TNXB: variants seen among roughly 807,000 people sequenced by gnomAD.
TNXB encodes tenascin-X.
TNXB carries 183 observed loss-of-function variants against 340.5 expected under a neutral mutation model. The observed-to-expected ratio is 0.54, with a 90% CI of 0.48 to 0.61. The LOEUF is 0.61. Ranked by LOEUF, TNXB falls within the 20% of genes least tolerant of loss-of-function variation. The pLI is 0.00. For missense variants in TNXB, 4,613 were observed against 5,446.4 expected (o/e 0.85, Z 4.82); for synonymous variants, 2,121 against 2,314.5 (o/e 0.92, Z 2.40).
In TNXB at chr6:32,079,300, G is replaced by A; in HGVS notation, c.4108C>T (p.Pro1370Ser). ...TELGTEAPES[P>S]EEPLLGELTV... ...AGCTCCCCCAGGAGCGGCTCCTCGG[G>A]GGACTCCGGGGCCTCCGTGCCCAGT... is the stretch of plus-strand genomic sequence containing the variant. Residue 1370 changes from proline to serine, a missense_variant, in exon 11 of 44, where the codon CCC (proline) becomes TCC (serine). By Grantham distance (74) the Pro-to-Ser change is moderately conservative. Coordinates refer to ENST00000644971, the MANE Select transcript of TNXB (RefSeq NM_001365276.2). This position sits in a 1 kb window ranked among gnomAD's most constrained non-coding sequence, Gnocchi z 7.1. 1 of 1,612,888 alleles carries A rather than the reference G, an allele frequency of 6.2e-7. No individual in the cohort carries two copies. The highest frequency in any genetic ancestry group is 8.5e-7 in the Non-Finnish European group (1 of 1,179,800).
At position 32,043,995 on chromosome 6, in the gene TNXB, C is replaced by G. The variant is rs758046999; in HGVS notation, c.11386+12G>C. On this transcript the variant is annotated intron_variant, in intron 34 of 43. Transcript: ENST00000644971. ...GAAATGCGAGGCGATGAGCACATGG[C>G]AAAGGCACCACCTCCGTCCGCCAGC... The G allele has an allele frequency of 6.2e-7, 1 of 1,601,922 alleles. No homozygotes were observed. Among genetic ancestry groups the G allele is most frequent in the Admixed American group, 1.7e-5 (1 of 59,238 alleles).
chr6:32,049,576 G>A lies in TNXB; in HGVS notation c.9451C>T (p.Pro3151Ser). Residue 3151 changes from proline to serine, a missense_variant, in exon 28 of 44, where the codon CCC becomes TCC. Transcript: ENST00000644971. The surrounding 1 kb of genome is among the most constrained non-coding windows in gnomAD (Gnocchi z 4.5). Reference sequence around the variant, plus strand: ...TCAGTGCTGGGTTCTGTGGGGCTGGGGGTCTCTTCCTCTGCAGTGGAGAAG... The same window carrying A: ...TCAGTGCTGGGTTCTGTGGGGCTGGAGGTCTCTTCCTCTGCAGTGGAGAAG... The part of the protein sequence containing the change: ...SAIGVTEEET[P>S]SPTEPSTEAP... 2 of 1,611,566 alleles carry A rather than the reference G, an allele frequency of 1.2e-6. No homozygotes were observed. Among genetic ancestry groups the A allele is most frequent in the Non-Finnish European group, 1.7e-6 (2 of 1,179,158 alleles).
chr6:32,085,615 T>C lies in TNXB; in HGVS notation c.3148+135A>G, dbSNP rs1779720084. 6 of 1,030,804 alleles carry C rather than the reference T, an allele frequency of 5.8e-6. No individual in the cohort carries two copies. The highest frequency in any genetic ancestry group is 7.8e-6 in the Non-Finnish European group (6 of 765,920). The allele number at this position is 1,030,804 out of a possible 1,614,324, so 63.9% of individuals were successfully genotyped here. ...ACCTGCAATTCCTTTTCTCTCCTTT[T>C]CTCCTCTATCCAGCCCCAAACATCA... On this transcript the variant is annotated intron_variant, in intron 7 of 43. Transcript: ENST00000644971. The surrounding 1 kb of genome is among the most constrained non-coding windows in gnomAD (Gnocchi z 6.4).
rs1317093555 is a variant in TNXB, at chr6:32,067,492, TCTC to T, written c.6544+166_6544+168del. On this transcript the variant is annotated intron_variant, in intron 18 of 43. Coordinates refer to ENST00000644971, the MANE Select transcript of TNXB (RefSeq NM_001365276.2). The surrounding 1 kb of genome is among the most constrained non-coding windows in gnomAD (Gnocchi z 4.2). ...GCCTTTCCCATATGGCTCCGACACT[TCTC>T]CTGGATTTGCTCTCTCTGTCCCCAG... Among the ~76,000 whole-genome samples the T allele has an allele frequency of 6.6e-6, 1 of 152,102 alleles. No individual in the cohort carries two copies. The highest frequency in any genetic ancestry group is 1.9e-4 in the East Asian group (1 of 5,192).
chr6:32,094,123 A>G (rs1195226769), intron 4 of TNXB, among the ~76,000 whole-genome samples: 3 of 150,730 alleles, frequency 2.0e-5, no homozygotes, highest in East Asian at 3.9e-4. Context: ...AAAAAAAAAA[A>G]AAGAGCAAGT....
rs58601681 is a variant in TNXB, at chr6:32,101,588, CTTTTTTTTTT to C, written c.-8-3392_-8-3383del. Among the ~76,000 whole-genome samples the C allele has an allele frequency of 2.5e-3, 318 of 126,182 alleles. 2 individuals are homozygous for C. Among genetic ancestry groups the C allele is most frequent in the Non-Finnish European group, 1.2e-3 (72 of 60,226 alleles). 82.8% of individuals were successfully genotyped at this position (126,182 alleles called of 152,430 possible). A position where few individuals can be genotyped will look rare whatever the true frequency, so the allele number is the denominator to read the frequency against. ...ACAGGCGTGAGCCACCGCACCCAGCCTTTTTTTTTTTTTTTTTTTTAGTAGAGACAGGGTT... is the reference window on the plus strand; with the variant it reads ...ACAGGCGTGAGCCACCGCACCCAGCCTTTTTTTTTTAGTAGAGACAGGGTT... On this transcript the variant is annotated intron_variant, in intron 1 of 43. Transcript: ENST00000644971.
At position 32,081,553 on chromosome 6, in the gene TNXB, C is replaced by A; in HGVS notation, c.3857G>T (p.Gly1286Val). The A allele has an allele frequency of 6.2e-7, 1 of 1,604,376 alleles. No individual in the cohort carries two copies. The highest frequency in any genetic ancestry group is 1.3e-5 in the African/African-American group (1 of 74,932). ...SLRLSWTVAQGPFDSFMVQYK... is the reference protein window; with the variant it reads ...SLRLSWTVAQVPFDSFMVQYK... ...CTGGACCATGAATGAGTCGAAGGGG[C>A]CCTGGGCCACTGTCCATGAGAGACG... The change falls in exon 10 of 44, where the codon GGC becomes GTC. Residue 1286 changes from glycine to valine, a missense_variant. By Grantham distance (109) the Gly-to-Val change is moderately radical. Coordinates refer to ENST00000644971, the MANE Select transcript of TNXB (RefSeq NM_001365276.2). The surrounding 1 kb of genome is among the most constrained non-coding windows in gnomAD (Gnocchi z 5.1).
chr6:32,099,468 G>A (rs934064018), intron 1 of TNXB, among the ~76,000 whole-genome samples: 5 of 152,094 alleles, frequency 3.3e-5, no homozygotes, highest in Non-Finnish European at 5.9e-5. Context: ...CTGACCACAA[G>A]TGATGTGCCC....
rs1207680458 is a variant in TNXB, at chr6:32,046,133, CCACACAAG to C, written c.10606+34_10606+41del. ...CTTCAGCCCAAATGCACAAGGAAACCCACACAAGCTGGCTTGCTATAGCCAGGCACAGC... is the reference window on the plus strand; with the variant it reads ...CTTCAGCCCAAATGCACAAGGAAACCCTGGCTTGCTATAGCCAGGCACAGC... On this transcript the variant is annotated intron_variant, in intron 31 of 43. Coordinates refer to ENST00000644971, the MANE Select transcript of TNXB (RefSeq NM_001365276.2). This position sits in a 1 kb window ranked among gnomAD's most constrained non-coding sequence, Gnocchi z 6.9. The C allele has an allele frequency of 9.6e-6, 15 of 1,556,988 alleles. No individual in the cohort carries two copies. Among genetic ancestry groups the C allele is most frequent in the Non-Finnish European group, 8.7e-7 (1 of 1,146,958 alleles).
At chr6:32,077,568 C>T (rs968703894) in intron 11 of TNXB, among the ~76,000 whole-genome samples, 1 of 152,210 alleles carries the variant, frequency 6.6e-6, no homozygotes, top group African/African-American at 2.4e-5. Flanking sequence ...CCCGAGGGTC[C>T]CAGAGGCACT....
Position 32,049,338 on chromosome 6 carries a change from T to C in TNXB, c.9689A>G (p.Tyr3230Cys), listed in dbSNP as rs1777106744. The C allele has an allele frequency of 5.0e-6, 8 of 1,612,496 alleles. No individual in the cohort carries two copies. The highest frequency in any genetic ancestry group is 4.0e-5 in the African/African-American group (3 of 74,996). Residue 3230 changes from tyrosine (Y) to cysteine (C), a missense_variant, in exon 28 of 44, where the codon TAC (tyrosine) becomes TGC (cysteine). Tyr to Cys is a radical substitution (Grantham distance 194). This residue lies in a region of TNXB where 4,327 missense variants were observed against 4,859.4 expected (regional missense o/e 0.89). Coordinates refer to ENST00000644971, the MANE Select transcript of TNXB (RefSeq NM_001365276.2). The surrounding 1 kb of genome is among the most constrained non-coding windows in gnomAD (Gnocchi z 4.5). ...TVGGLEPGRK[Y>C]KMHLYGLHEG... ...GTGGAGGCCGTACAGATGCATCTTG[T>C]ATTTGCGCCCGGGCTCCAGGCCCCC...
chr6:32,097,991 GC>G lies in TNXB; in HGVS notation c.207del (p.Lys69AsnfsTer35). On this transcript the variant is annotated frameshift_variant, in exon 2 of 44. Coordinates refer to ENST00000644971, the MANE Select transcript of TNXB (RefSeq NM_001365276.2). LOFTEE classifies it high-confidence loss of function. This position sits in a 1 kb window ranked among gnomAD's most constrained non-coding sequence, Gnocchi z 5.9. ...LYEHTVEGGE[K>X]QVVFTHRINL... ...TTAATGCGGTGGGTGAATACCACCT[GC>G]TTCTCCCCTCCTTCCACTGTGTGCT... The G allele has an allele frequency of 1.2e-6, 2 of 1,607,282 alleles. No homozygotes were observed. Among genetic ancestry groups the G allele is most frequent in the Non-Finnish European group, 1.7e-6 (2 of 1,178,014 alleles).
At position 32,105,639 on chromosome 6, in the gene TNXB, C is replaced by T. The variant is rs538322754; in HGVS notation, c.-9+3542G>A. Among the ~76,000 whole-genome samples, 17 of 152,312 alleles carry T rather than the reference C, an allele frequency of 1.1e-4. No homozygotes were observed. In the South Asian group the frequency reaches 1.9e-3, roughly 17 times the overall value. On this transcript the variant is annotated intron_variant, in intron 1 of 43. Coordinates refer to ENST00000644971, the MANE Select transcript of TNXB (RefSeq NM_001365276.2). ...AGGACCAAGGTCAGGGCTAGGACCA[C>T]GGACAGTGTCTGGGACTGGAAGTTG... is the stretch of plus-strand genomic sequence containing the variant.
chr6:32,053,327 T>C (rs1179282570), intron 25 of TNXB, 61 bp downstream of exon 25: 7 of 1,567,998 alleles, frequency 4.5e-6, no homozygotes, highest in African/African-American at 2.7e-5. Context: ...AGTTCACCCA[T>C]CACCAGAGAA....
At position 32,067,143 on chromosome 6, in the gene TNXB, G is replaced by GAA. The variant is rs1554321270; in HGVS notation, c.6544+516_6544+517dup. Among the ~76,000 whole-genome samples the GAA allele has an allele frequency of 0.024, 3,043 of 129,426 alleles. 63 individuals carry two copies. The highest frequency in any genetic ancestry group is 0.055 in the African/African-American group (1,803 of 33,036). The allele number at this position is 129,426 out of a possible 152,430, so 84.9% of individuals were successfully genotyped here. ...AGAAAGAAAGGAAGGAAGAAAGAAA[G>GAA]AAAGAAAGAAAGAAAGAAAGAAAGA... is the stretch of plus-strand genomic sequence containing the variant. On this transcript the variant is annotated intron_variant, in intron 18 of 43. Transcript: ENST00000644971. The surrounding 1 kb of genome is among the most constrained non-coding windows in gnomAD (Gnocchi z 4.2).
In TNXB at chr6:32,055,754, C is replaced by A. The variant is rs117137990; in HGVS notation, c.8467+97G>T. ...CAAGATCCCCAAGCATGGAAACGTGCAAAAGAAGCCCGGCTGGTGAGAATA... is the reference window on the plus strand; with the variant it reads ...CAAGATCCCCAAGCATGGAAACGTGAAAAAGAAGCCCGGCTGGTGAGAATA... On this transcript the variant is annotated intron_variant, in intron 24 of 43. Coordinates refer to ENST00000644971, the MANE Select transcript of TNXB (RefSeq NM_001365276.2). The A allele has an allele frequency of 8.0e-4, 1,197 of 1,500,702 alleles. 19 individuals are homozygous for A. The Admixed American group carries it at 0.013, about 17-fold the overall frequency. 93.0% of individuals were successfully genotyped at this position (1,500,702 alleles called of 1,614,324 possible).
chr6:32,087,513 G>T lies in TNXB; in HGVS notation c.2779+1272C>A, dbSNP rs762582934. ...AACTGCCCAGCACCTCTGGCTTGGGGTGGCGGGACGCAGCCACCCGGTCGA... is the reference window on the plus strand; with the variant it reads ...AACTGCCCAGCACCTCTGGCTTGGGTTGGCGGGACGCAGCCACCCGGTCGA... On this transcript the variant is annotated intron_variant, in intron 6 of 43. Coordinates refer to ENST00000644971, the MANE Select transcript of TNXB (RefSeq NM_001365276.2). The surrounding 1 kb of genome is among the most constrained non-coding windows in gnomAD (Gnocchi z 9.0). The T allele has an allele frequency of 4.2e-6, 2 of 477,450 alleles. No individual in the cohort carries two copies. The highest frequency in any genetic ancestry group is 4.2e-6 in the Non-Finnish European group (1 of 240,720). The allele number at this position is 477,450 out of a possible 1,614,324, so 29.6% of individuals were successfully genotyped here. A position where few individuals can be genotyped will look rare whatever the true frequency, so the allele number is the denominator to read the frequency against.
Position 32,087,858 on chromosome 6 carries a change from C to T in TNXB, c.2779+927G>A, listed in dbSNP as rs1779882500. On this transcript the variant is annotated intron_variant, in intron 6 of 43. Transcript: ENST00000644971. This position sits in a 1 kb window ranked among gnomAD's most constrained non-coding sequence, Gnocchi z 9.0. ...GGGACAGGCTTGGCCTGGGCGGGGA[C>T]TCCTCCTCCCTTTCCTCTGCTGGCC... The T allele has an allele frequency of 2.2e-6, 1 of 463,702 alleles. No homozygotes were observed. Among genetic ancestry groups the T allele is most frequent in the Non-Finnish European group, 4.3e-6 (1 of 233,890 alleles). 28.7% of individuals were successfully genotyped at this position (463,702 alleles called of 1,614,324 possible). A position where few individuals can be genotyped will look rare whatever the true frequency, so the allele number is the denominator to read the frequency against.
chr6:32,062,246 C>A lies in TNXB; in HGVS notation c.7079G>T (p.Gly2360Val), dbSNP rs1778068201. The A allele has an allele frequency of 3.1e-6, 5 of 1,613,262 alleles. No homozygotes were observed. Among genetic ancestry groups the A allele is most frequent in the Non-Finnish European group, 4.2e-6 (5 of 1,179,870 alleles). Residue 2360 changes from glycine to valine, a missense_variant, in exon 20 of 44, where the codon GGC becomes GTC. Coordinates refer to ENST00000644971, the MANE Select transcript of TNXB (RefSeq NM_001365276.2). This position sits in a 1 kb window ranked among gnomAD's most constrained non-coding sequence, Gnocchi z 4.3. ...CTTGTACTTGTTGTCTGGCTCCAGGCCGGAGATGGTGACCCTGTCCTCATG... is the reference window on the plus strand; with the variant it reads ...CTTGTACTTGTTGTCTGGCTCCAGGACGGAGATGGTGACCCTGTCCTCATG... ...PGHEDRVTIS[G>V]LEPDNKYKMN...
Sources: gnomAD v4.1 joint callset for allele counts (sites outside exome capture counted in the v4.1 genomes callset) on GRCh38, gnomAD v4.1.1 for gene constraint, gnomAD v4.1.1 regional missense constraint, Gnocchi (gnomAD v3.1) non-coding constraint, MANE v1.5 for transcripts, NCBI Gene and HGNC (gene_info 2026-07-23, HGNC 2026-07-21) for gene names.